SDK1: variants seen among roughly 807,000 people sequenced by gnomAD.
The protein encoded by SDK1 is sidekick cell adhesion molecule 1, also known as protein sidekick-1.
SDK1 carries 157 observed loss-of-function variants against 245.5 expected under a neutral mutation model. That is an observed-to-expected ratio of 0.64 (90% CI 0.56 to 0.73). The LOEUF (loss-of-function observed/expected upper bound fraction) is 0.73, where lower values mean the gene tolerates loss of function less well. Among genes scored for constraint, SDK1 ranks in the 30% least tolerant of loss-of-function variants. SDK1 has a pLI of 0.00. For missense variants in SDK1, 3,583 were observed against 3,002.3 expected (o/e 1.19, Z -4.52); for synonymous variants, 1,647 against 1,278.5 (o/e 1.29, Z -6.15).
chr7:4,211,200 G>A (rs1784494575), intron 38 of SDK1, among the ~76,000 whole-genome samples: 2 of 152,208 alleles, frequency 1.3e-5, no homozygotes, highest in South Asian at 4.1e-4. Context: ...ACACTTCCTA[G>A]ATCAACCGGA....
intron 4 of SDK1, among the ~76,000 whole-genome samples, chr7:3,804,880 G>C (rs1466977225): frequency 6.6e-6 from 1 of 152,154 alleles, no homozygotes; most frequent in Non-Finnish European, 1.5e-5. Context: ...TACAATTGGG[G>C]GTGGAAGGAT....
chr7:3,839,514 A>C (rs2115085690), intron 5 of SDK1, among the ~76,000 whole-genome samples: 1 of 152,316 alleles, frequency 6.6e-6, no homozygotes, highest in Middle Eastern at 3.4e-3. Context: ...AAAACTGTTA[A>C]AACTCCTTCC....
rs1421870945 is a variant in SDK1 at position 4,079,484 on chromosome 7, A to T, written c.3224A>T (p.Asn1075Ile). Residue 1075 changes from asparagine to isoleucine, a missense_variant, in exon 22 of 45, where the codon AAC becomes ATC. Coordinates refer to ENST00000404826, the MANE Select transcript of SDK1 (RefSeq NM_152744.4). The part of the protein sequence containing the change: ...VPPDLPGAPS[N>I]LVISNISPRS... The stretch of plus-strand genomic sequence containing the variant: ...CTAGACCTTCCTGGTGCCCCATCCA[A>T]CCTGGTCATTTCCAACATCAGCCCT... The T allele has an allele frequency of 6.2e-7, 1 of 1,614,178 alleles. No individual in the cohort carries two copies. Among genetic ancestry groups the T allele is most frequent in the East Asian group, 2.2e-5 (1 of 44,886 alleles).
At chr7:3,569,459 G>A (rs886827672) in intron 1 of SDK1, among the ~76,000 whole-genome samples, 6 of 152,242 alleles carry the variant, frequency 3.9e-5, no homozygotes, top group African/African-American at 1.4e-4. Flanking sequence ...CTCTTGAGAA[G>A]TCTGGAGGAG....
At chr7:3,628,409 T>C (rs1782184490) in intron 2 of SDK1, among the ~76,000 whole-genome samples, 1 of 152,166 alleles carries the variant, frequency 6.6e-6, no homozygotes, top group South Asian at 2.1e-4. Context: ...TCTTAATACC[T>C]ATGGGGTCAG....
chr7:3,759,503 T>A (rs1780031615), intron 4 of SDK1, among the ~76,000 whole-genome samples: 1 of 152,156 alleles, frequency 6.6e-6, no homozygotes, highest in East Asian at 1.9e-4. Context: ...CAGTTACCCA[T>A]AATCTGTCCT....
intron 5 of SDK1, among the ~76,000 whole-genome samples, chr7:3,893,118 A>G (rs529553683): frequency 1.8e-3 from 270 of 152,292 alleles, no homozygotes; most frequent in African/African-American, 6.2e-3. Context: ...ACATCACAGC[A>G]TCTAACTCTC....
At chr7:3,800,915 C>T (rs990314026) in intron 4 of SDK1, among the ~76,000 whole-genome samples, 9 of 152,204 alleles carry the variant, frequency 5.9e-5, no homozygotes, top group African/African-American at 1.7e-4. Flanking sequence ...GTCCTTGTTA[C>T]AGTTCTTGGT....
chr7:3,790,189 G>A (rs1231112861), intron 4 of SDK1, among the ~76,000 whole-genome samples: 2 of 152,180 alleles, frequency 1.3e-5, no homozygotes, highest in East Asian at 1.9e-4. Flanking sequence ...AGCAACTGAT[G>A]TTTATGTCAC....
intron 1 of SDK1, among the ~76,000 whole-genome samples, chr7:3,532,281 G>A (rs1417184448): frequency 6.6e-6 from 1 of 152,178 alleles, no homozygotes; most frequent in African/African-American, 2.4e-5. Context: ...GGTAAGCCAG[G>A]ATCCAGGGAG....
intron 2 of SDK1, among the ~76,000 whole-genome samples, chr7:3,633,516 C>T (rs1044931129): frequency 6.6e-6 from 1 of 152,046 alleles, no homozygotes; most frequent in Non-Finnish European, 1.5e-5. Flanking sequence ...CTTCTTATAA[C>T]AGGTAAATGT....
intron 23 of SDK1, 87 bp from the exon 24 acceptor site, chr7:4,113,202 T>C: frequency 7.1e-7 from 1 of 1,414,744 alleles, no homozygotes; most frequent in Admixed American, 2.0e-5. Flanking sequence ...AGCCCTCCCT[T>C]GAGAAACAGT....
intron 1 of SDK1, among the ~76,000 whole-genome samples, chr7:3,436,764 C>T (rs1170595841): frequency 6.6e-6 from 1 of 152,040 alleles, no homozygotes; most frequent in East Asian, 1.9e-4. Flanking sequence ...ATTCTTTGTC[C>T]TCACTGTCTT....
At chr7:3,389,746 A>G (rs933959742) in intron 1 of SDK1, among the ~76,000 whole-genome samples, 8 of 64,720 alleles carry the variant, frequency 1.2e-4, no homozygotes, top group Non-Finnish European at 2.2e-4. Flanking sequence ...CAGCCTGGGC[A>G]ACAGAAATAA....
rs190063707 is a variant in SDK1, at chr7:3,901,388, G to A, written c.848-49535G>A. ...TTTTTAATAGAGACGGGGTTTCACC[G>A]TGCTAGCCAGGATGGTCTCGATCTC... is the stretch of plus-strand genomic sequence containing the variant. On this transcript the variant is annotated intron_variant, in intron 5 of 44. Transcript: ENST00000404826. 3.3e-5 allele frequency among the ~76,000 whole-genome samples: 5 copies of A among 151,978 alleles called. No homozygotes were observed. The East Asian group carries it at 9.7e-4, about 29-fold the overall frequency.
At chr7:4,134,792 G>C (rs1397362038) in intron 28 of SDK1, 1 of 152,430 alleles carries the variant, frequency 6.6e-6, no homozygotes, top group African/African-American at 2.4e-5. Flanking sequence ...AGGCGTGGGA[G>C]CGGTGCAGGA....
intron 5 of SDK1, among the ~76,000 whole-genome samples, chr7:3,942,828 C>T (rs1403320205): frequency 1.3e-5 from 2 of 152,164 alleles, no homozygotes; most frequent in Non-Finnish European, 2.9e-5. Context: ...CGTAACAAAG[C>T]CGCTTCTCGT....
chr7:4,102,371 A>C lies in SDK1; in HGVS notation c.3325-8292A>C, dbSNP rs559701124. ...GTCTGTGGAAGTTGCTAGACGTGCA[A>C]GTTTTCCTGCTGACACCAGAGTTTC... On this transcript the variant is annotated intron_variant, in intron 22 of 44. Transcript: ENST00000404826. Among the ~76,000 whole-genome samples, 9 of 152,196 alleles carry C rather than the reference A, an allele frequency of 5.9e-5. No homozygotes were observed. In the South Asian group the frequency reaches 6.2e-4, roughly 11 times the overall value.
chr7:3,853,336 G>A (rs1780464364), intron 5 of SDK1, among the ~76,000 whole-genome samples: 1 of 152,014 alleles, frequency 6.6e-6, no homozygotes, highest in South Asian at 2.1e-4. Context: ...CCAGCTGCTG[G>A]CAATATAGCC....
Sources: allele counts gnomAD v4.1 joint callset (sites outside exome capture counted in the v4.1 genomes callset), GRCh38; gene constraint gnomAD v4.1.1; transcripts MANE v1.5; gene names NCBI Gene and HGNC (gene_info 2026-07-23, HGNC 2026-07-21).